Variants in GRM8 observed in about 807,000 individuals in gnomAD.
The protein encoded by GRM8 is glutamate metabotropic receptor 8.
GRM8 carries 47 observed loss-of-function variants against 87.2 expected under a neutral mutation model. The observed-to-expected ratio is 0.54, with a 90% CI of 0.43 to 0.69. GRM8 has a LOEUF of 0.69. Among genes scored for constraint, GRM8 ranks in the 30% least tolerant of loss-of-function variants. GRM8 has a pLI of 0.00. For missense variants in GRM8, 1,019 were observed against 1,139.2 expected, an observed-to-expected ratio of 0.89 and a Z score of 1.52; for synonymous variants, 396 against 404.5, an observed-to-expected ratio of 0.98 and a Z score of 0.25.
chr7:126,836,520 A>G (rs940934884), intron 6 of GRM8, among the ~76,000 whole-genome samples: 1 of 151,664 alleles, frequency 6.6e-6, no homozygotes, highest in Non-Finnish European at 1.5e-5. Context: ...CTCATCACCT[A>G]TTCTCTCCTC....
At chr7:126,892,021 T>TAA (rs5887316) in intron 6 of GRM8, among the ~76,000 whole-genome samples, 14,065 of 94,872 alleles carry the variant, frequency 0.15, 1,270 homozygotes, top group East Asian at 0.23. Flanking sequence ...TCTTGCAGGG[T>TAA]AAAAAAAAAA....
At chr7:126,486,568 A>T (rs1374982357) in intron 9 of GRM8, among the ~76,000 whole-genome samples, 1 of 151,996 alleles carries the variant, frequency 6.6e-6, no homozygotes, top group Non-Finnish European at 1.5e-5. Flanking sequence ...ACATATATAG[A>T]TCTCACAATT....
At chr7:126,722,950 TATATA>T (rs1029136668) in intron 7 of GRM8, among the ~76,000 whole-genome samples, 3 of 138,258 alleles carry the variant, frequency 2.2e-5, no homozygotes, top group Admixed American at 7.0e-5. Context: ...TTATAGATAA[TATATA>T]ATATATGTAA....
In GRM8 at chr7:126,992,416, C is replaced by T. The variant is rs551195426; in HGVS notation, c.728-87733G>A. On this transcript the variant is annotated intron_variant, in intron 3 of 10. Transcript: ENST00000339582. ...CTAATAAGTTAATTGAGCAAGATTG[C>T]AGGATACAAGTTCAATAGAAAACAA... 2.6e-5 allele frequency among the ~76,000 whole-genome samples: 4 copies of T among 152,124 alleles called. No individual in the cohort carries two copies. The East Asian group carries it at 7.7e-4, about 29-fold the overall frequency.
At chr7:126,963,885 T>A (rs1809568243) in intron 3 of GRM8, among the ~76,000 whole-genome samples, 1 of 152,158 alleles carries the variant, frequency 6.6e-6, no homozygotes, top group Non-Finnish European at 1.5e-5. Flanking sequence ...AGAACAAAGC[T>A]GGAGGCATCA....
intron 9 of GRM8, among the ~76,000 whole-genome samples, chr7:126,527,795 T>G (rs1467485098): frequency 6.6e-6 from 1 of 152,218 alleles, no homozygotes; most frequent in African/African-American, 2.4e-5. Flanking sequence ...AGGTACACAC[T>G]GCCTCAGGAA....
chr7:126,955,527 T>C (rs1222831707), intron 3 of GRM8, among the ~76,000 whole-genome samples: 1 of 152,206 alleles, frequency 6.6e-6, no homozygotes, highest in Non-Finnish European at 1.5e-5. Context: ...AAAACTATTC[T>C]CTCTTTTGCA....
intron 6 of GRM8, among the ~76,000 whole-genome samples, chr7:126,858,181 T>C (rs1797850524): frequency 6.6e-6 from 1 of 152,124 alleles, no homozygotes; most frequent in Non-Finnish European, 1.5e-5. Flanking sequence ...CATTTGGAAG[T>C]GATAGAACTT....
At chr7:126,637,289 A>G (rs977636282) in intron 7 of GRM8, among the ~76,000 whole-genome samples, 1 of 152,030 alleles carries the variant, frequency 6.6e-6, no homozygotes, top group East Asian at 1.9e-4. Context: ...ATAAAAGAAA[A>G]CCATATTGCT....
chr7:127,147,048 T>C (rs1209261192), intron 2 of GRM8, among the ~76,000 whole-genome samples: 2 of 152,044 alleles, frequency 1.3e-5, no homozygotes, highest in South Asian at 2.1e-4. Flanking sequence ...AGTTAGATGG[T>C]ATATTTGTGT....
intron 3 of GRM8, among the ~76,000 whole-genome samples, chr7:127,008,818 G>A (rs1814585451): frequency 6.6e-6 from 1 of 152,030 alleles, no homozygotes; most frequent in South Asian, 2.1e-4. Flanking sequence ...TATAGTGAAA[G>A]TAAAATATAT....
chr7:126,540,704 T>C (rs1816434082), intron 8 of GRM8, among the ~76,000 whole-genome samples: 1 of 152,224 alleles, frequency 6.6e-6, no homozygotes, highest in Non-Finnish European at 1.5e-5. Flanking sequence ...ATTGCATGTT[T>C]TTATTTTATA....
chr7:127,094,344 C>T (rs1344702834), intron 3 of GRM8, among the ~76,000 whole-genome samples: 1 of 152,172 alleles, frequency 6.6e-6, no homozygotes, highest in Non-Finnish European at 1.5e-5. Context: ...GACCAGCTGG[C>T]AAGGCTCTGA....
chr7:126,792,563 G>T (rs1821469646), intron 6 of GRM8, among the ~76,000 whole-genome samples: 1 of 152,164 alleles, frequency 6.6e-6, no homozygotes. Context: ...CTTTAATCAT[G>T]AATTAATCTG....
At chr7:126,517,478 A>T (rs1812351761) in intron 9 of GRM8, among the ~76,000 whole-genome samples, 1 of 152,042 alleles carries the variant, frequency 6.6e-6, no homozygotes, top group African/African-American at 2.4e-5. Flanking sequence ...CCCAAACCAC[A>T]ATTTGTGTCA....
chr7:126,478,096 C>T (rs2150582545), intron 9 of GRM8, among the ~76,000 whole-genome samples: 1 of 152,264 alleles, frequency 6.6e-6, no homozygotes, highest in Non-Finnish European at 1.5e-5. Context: ...AAATCATTAA[C>T]TTTAGATCTG....
chr7:127,083,610 T>A (rs746147101), intron 3 of GRM8, among the ~76,000 whole-genome samples: 6 of 151,060 alleles, frequency 4.0e-5, no homozygotes, highest in Non-Finnish European at 7.4e-5. Flanking sequence ...CCATCATCCC[T>A]TTCCTAAGCC....
intron 9 of GRM8, among the ~76,000 whole-genome samples, chr7:126,501,412 G>A (rs1160215811): frequency 6.6e-6 from 1 of 151,968 alleles, no homozygotes; most frequent in Non-Finnish European, 1.5e-5. Context: ...CTACTCATAT[G>A]ATCCCAGCTG....
rs558184644 is a variant in GRM8, at chr7:126,991,061, T to A, written c.728-86378A>T. On this transcript the variant is annotated intron_variant, in intron 3 of 10. Transcript: ENST00000339582. ...ATTAGGTAGTACAAATATTAACTAA[T>A]AATTGCTATGTGGATTAAATTTTTT... 2.6e-4 allele frequency among the ~76,000 whole-genome samples: 39 copies of A among 152,302 alleles called. 1 individual carries two copies. In the South Asian group the frequency reaches 8.1e-3, roughly 32 times the overall value.
Sources: gnomAD v4.1 joint callset for allele counts (sites outside exome capture counted in the v4.1 genomes callset) on GRCh38, gnomAD v4.1.1 for gene constraint, MANE v1.5 for transcripts, NCBI Gene and HGNC (gene_info 2026-07-23, HGNC 2026-07-21) for gene names.